Variants in OASL observed in about 807,000 individuals in gnomAD.
The protein encoded by OASL is 2'-5'-oligoadenylate synthase-like protein.
In OASL, 28 loss-of-function variants were observed where a neutral mutation model predicts 35.3. The ratio of observed to expected loss-of-function variants is 0.79; its 90% CI spans 0.59 to 1.09. The LOEUF (loss-of-function observed/expected upper bound fraction) is 1.09. OASL is among the 50% of genes least tolerant of loss of function. The pLI, the probability that OASL is intolerant of heterozygous loss-of-function variation, is 0.00. For synonymous variants in OASL, 252 were observed against 254.6 expected (o/e 0.99, Z 0.10); for missense variants, 620 against 635.2 (o/e 0.98, Z 0.26).
chr12:121,020,447 T>C (rs910432955), exon 6 of OASL: 5 of 1,146,404 alleles, frequency 4.4e-6, no homozygotes, highest in Non-Finnish European at 5.0e-6. Context: ...GGATAACTCA[T>C]TGTAAAACTG....
At chr12:121,031,552 C>T (rs781224558) in exon 3 of OASL, 44 of 1,613,974 alleles carry the variant, frequency 2.7e-5, no homozygotes, top group Admixed American at 5.0e-5. Context: ...TTTCCAGGAC[C>T]ACCGCAGGCC....
chr12:121,018,252 G>C (rs969460940), downstream of OASL, among the ~76,000 whole-genome samples: 6 of 152,152 alleles, frequency 3.9e-5, no homozygotes. Context: ...AATGGCGTCA[G>C]CACCAAATGA....
chr12:121,036,112 C>T (rs999993402), intron 1 of OASL, among the ~76,000 whole-genome samples: 6 of 152,214 alleles, frequency 3.9e-5, no homozygotes, highest in Non-Finnish European at 8.8e-5. Flanking sequence ...ATCCTCCCAC[C>T]TTGGCCTCCC....
At chr12:121,026,238 G>A (rs1869478768) in intron 4 of OASL, among the ~76,000 whole-genome samples, 1 of 152,180 alleles carries the variant, frequency 6.6e-6, no homozygotes, top group African/African-American at 2.4e-5. Flanking sequence ...CGATTTTTCT[G>A]GCCATGGTTA....
intron 3 of OASL, among the ~76,000 whole-genome samples, 190 bp from the exon 4 acceptor site, chr12:121,028,007 A>G (rs1869561874): frequency 6.6e-6 from 1 of 152,230 alleles, no homozygotes; most frequent in Admixed American, 6.5e-5. Flanking sequence ...GGGCTGAGTT[A>G]GTCCATTGGG....
intron 1 of OASL, 95 bp downstream of exon 1, chr12:121,038,679 G>A: frequency 8.4e-7 from 1 of 1,195,722 alleles, no homozygotes; most frequent in Non-Finnish European, 1.2e-6. Context: ...GCATGGGCTA[G>A]GGATAAGGAG....
chr12:121,038,421 A>G (rs1870039630), intron 1 of OASL, among the ~76,000 whole-genome samples: 1 of 152,194 alleles, frequency 6.6e-6, no homozygotes, highest in Admixed American at 6.5e-5. Context: ...CAGATGGTTC[A>G]TTCACACTAG....
rs2135911426 is a variant in OASL at position 121,031,311 on chromosome 12, C to A, written c.657+131G>T. Reference sequence around the variant, plus strand: ...CGGTTTCACTTTACATTTCAAAAGACTAGCATTCTCTCCCTCTCTACCTGC... The same window carrying A: ...CGGTTTCACTTTACATTTCAAAAGAATAGCATTCTCTCCCTCTCTACCTGC... On this transcript the variant is annotated intron_variant, in intron 3 of 5. Coordinates refer to ENST00000257570, the Ensembl canonical transcript of OASL. 3 of 803,492 alleles carry A rather than the reference C, an allele frequency of 3.7e-6. No individual in the cohort carries two copies. The East Asian group carries it at 8.0e-5, about 22-fold the overall frequency. 49.8% of individuals were successfully genotyped at this position (803,492 alleles called of 1,614,324 possible). A position where few individuals can be genotyped will look rare whatever the true frequency, so the allele number is the denominator to read the frequency against.
exon 4 of OASL, chr12:121,027,596 T>C: frequency 6.2e-7 from 1 of 1,614,218 alleles, no homozygotes; most frequent in South Asian, 1.1e-5. Context: ...TGAGCTGTTT[T>C]CTGACACAAT....
intron 5 of OASL, 47 bp downstream of exon 5, chr12:121,023,943 G>A: frequency 1.1e-5 from 17 of 1,607,134 alleles, no homozygotes; most frequent in Non-Finnish European, 1.4e-5. Flanking sequence ...TAGTTTATCT[G>A]TCGTTCTGAC....
intron 2 of OASL, among the ~76,000 whole-genome samples, chr12:121,032,935 T>C (rs945093483): frequency 6.6e-6 from 1 of 152,020 alleles, no homozygotes; most frequent in Non-Finnish European, 1.5e-5. Flanking sequence ...TTTTGTTTTT[T>C]GTTTTTTTGA....
chr12:121,029,538 A>G (rs1210247751), intron 3 of OASL, among the ~76,000 whole-genome samples: 1 of 152,132 alleles, frequency 6.6e-6, no homozygotes, highest in Non-Finnish European at 1.5e-5. Flanking sequence ...AATATAAAAA[A>G]TTAGCTGTGC....
chr12:121,034,013 T>C (rs1423796069), intron 1 of OASL, among the ~76,000 whole-genome samples: 2 of 152,080 alleles, frequency 1.3e-5, no homozygotes, highest in Non-Finnish European at 2.9e-5. Flanking sequence ...AAGACCTTCA[T>C]CTCTAAAATG....
exon 6 of OASL, chr12:121,020,998 C>T (rs79120918): frequency 6.8e-6 from 11 of 1,613,004 alleles, no homozygotes; most frequent in South Asian, 2.2e-5. Flanking sequence ...TAAGGGTTCA[C>T]GATGAGGTTG....
Position 121,039,179 on chromosome 12 carries a change from C to T in OASL, c.-208G>A. 1.7e-6 allele frequency: 1 copy of T among 585,532 alleles called. No homozygotes were observed. Among genetic ancestry groups the T allele is most frequent in the South Asian group, 2.0e-5 (1 of 49,484 alleles). 36.3% of individuals were successfully genotyped at this position (585,532 alleles called of 1,614,324 possible). A position where few individuals can be genotyped will look rare whatever the true frequency, so the allele number is the denominator to read the frequency against. ...AGACACCCTTGCTGCAGTAGGGGCA[C>T]AGGAGGACTCTGGGCTGAGGCTGGA... On this transcript the variant is annotated 5_prime_UTR_variant, in exon 1 of 6. The change creates a new upstream start codon in the 5' untranslated region. Coordinates refer to ENST00000257570, the Ensembl canonical transcript of OASL.
chr12:121,028,840 G>A (rs1869607768), intron 3 of OASL, among the ~76,000 whole-genome samples: 1 of 152,056 alleles, frequency 6.6e-6, no homozygotes, highest in Non-Finnish European at 1.5e-5. Flanking sequence ...CGAGGCGGGT[G>A]GATCACTTGA....
At position 121,033,445 on chromosome 12, in the gene OASL, C is replaced by T. The variant is rs1233706543; in HGVS notation, c.481+16G>A. 4 of 1,601,280 alleles carry T rather than the reference C, an allele frequency of 2.5e-6. No individual in the cohort carries two copies. Among genetic ancestry groups the T allele is most frequent in the Non-Finnish European group, 3.4e-6 (4 of 1,169,530 alleles). On this transcript the variant is annotated intron_variant, in intron 2 of 5. Transcript: ENST00000257570. The stretch of plus-strand genomic sequence containing the variant: ...TGGGCAAGTGTGTGAGTCGGGTGAG[C>T]TTCCCCTCCCCTTACCCAGGGCTCT...
At chr12:121,034,480 T>C (rs1011107249) in intron 1 of OASL, among the ~76,000 whole-genome samples, 6 of 152,328 alleles carry the variant, frequency 3.9e-5, no homozygotes, top group Admixed American at 3.9e-4. Context: ...CCCAGTCTTC[T>C]TACCCACAGA....
intron 4 of OASL, among the ~76,000 whole-genome samples, chr12:121,025,071 C>A (rs117596115): frequency 1.3e-5 from 2 of 150,170 alleles, no homozygotes; most frequent in African/African-American, 4.9e-5. Context: ...TTCCACCTCC[C>A]GGGTTCAGCC....
Sources: allele counts gnomAD v4.1 joint callset (sites outside exome capture counted in the v4.1 genomes callset), GRCh38; gene constraint gnomAD v4.1.1; transcripts MANE v1.5; gene names NCBI Gene and HGNC (gene_info 2026-07-23, HGNC 2026-07-21).